The following CTIF variants were observed in gnomAD, a reference collection of about 807,000 sequenced individuals.
CTIF encodes the protein cap binding complex dependent translation initiation factor.
Under a neutral mutation model 66.0 loss-of-function variants are expected in CTIF, and 21 were observed. The observed-to-expected ratio is 0.32, with a 90% CI of 0.23 to 0.46. CTIF has a LOEUF of 0.46. Ranked by LOEUF, CTIF falls within the 20% of genes least tolerant of loss-of-function variation. CTIF has a pLI of 1.00. For synonymous variants in CTIF, 345 were observed against 326.4 expected, an observed-to-expected ratio of 1.06 and a Z score of -0.62; for missense variants, 739 against 812.7, an observed-to-expected ratio of 0.91 and a Z score of 1.10.
At chr18:48,723,641 G>A (rs1407996470) in intron 7 of CTIF, among the ~76,000 whole-genome samples, 1 of 152,142 alleles carries the variant, frequency 6.6e-6, no homozygotes, top group African/African-American at 2.4e-5. Context: ...CCAGCTGTTG[G>A]CTCCCCTGAC....
intron 1 of CTIF, among the ~76,000 whole-genome samples, chr18:48,594,640 G>A (rs1160008069): frequency 2.0e-5 from 3 of 152,164 alleles, no homozygotes; most frequent in Admixed American, 6.5e-5. Context: ...CCAGGTGCAC[G>A]TTGTGACCTT....
rs192468295 is a variant in CTIF at position 48,680,263 on chromosome 18, C to T, written c.507+9519C>T. 6.2e-4 allele frequency among the ~76,000 whole-genome samples: 94 copies of T among 152,368 alleles called. 1 individual carries two copies. In the East Asian group the frequency reaches 0.013, roughly 21 times the overall value. On this transcript the variant is annotated intron_variant, in intron 6 of 11. Transcript: ENST00000256413. ...CATCTGTCCATGCCCTACTTTGGGC[C>T]AGACCATATCCAGAATCCCTTGATG...
chr18:48,679,749 G>T (rs181293937), intron 6 of CTIF, among the ~76,000 whole-genome samples: 5 of 152,252 alleles, frequency 3.3e-5, no homozygotes. Flanking sequence ...AGGTTTCTTG[G>T]TTTTTTGGGG....
At chr18:48,559,765 T>C (rs1329715842) in intron 1 of CTIF, among the ~76,000 whole-genome samples, 1 of 152,034 alleles carries the variant, frequency 6.6e-6, no homozygotes, top group African/African-American at 2.4e-5. Flanking sequence ...TTAATCCCAA[T>C]GTAGAGTGGA....
At position 48,807,871 on chromosome 18, in the gene CTIF, T is replaced by C. The variant is rs374077676; in HGVS notation, c.1372-9350T>C. Among the ~76,000 whole-genome samples the C allele has an allele frequency of 8.5e-5, 13 of 152,348 alleles. No individual in the cohort carries two copies. In the East Asian group the frequency reaches 2.1e-3, roughly 25 times the overall value. On this transcript the variant is annotated intron_variant, in intron 9 of 11. Coordinates refer to ENST00000256413, the MANE Select transcript of CTIF (RefSeq NM_014772.3). ...TGATGGGATTACAGACGTGAGCTAC[T>C]GCACCTGGCCACATAAACATAATTT... is the stretch of plus-strand genomic sequence containing the variant.
chr18:48,592,032 G>C (rs2143984391), intron 1 of CTIF, among the ~76,000 whole-genome samples: 1 of 152,336 alleles, frequency 6.6e-6, no homozygotes, highest in African/African-American at 2.4e-5. Context: ...GATTACAGGT[G>C]TGAGCCACTA....
intron 1 of CTIF, among the ~76,000 whole-genome samples, chr18:48,547,131 C>T (rs891881571): frequency 1.3e-5 from 2 of 152,050 alleles, no homozygotes; most frequent in African/African-American, 4.8e-5. Flanking sequence ...GCAGAGGTGC[C>T]CCTCGGTAGG....
At chr18:48,835,834 C>T (rs1204154914) in intron 10 of CTIF, among the ~76,000 whole-genome samples, 2 of 151,886 alleles carry the variant, frequency 1.3e-5, no homozygotes, top group Admixed American at 6.6e-5. Context: ...AAGCCCCCCA[C>T]CTGCCCTCAC....
intron 10 of CTIF, among the ~76,000 whole-genome samples, chr18:48,821,705 TGAA>T (rs964320672): frequency 1.3e-5 from 2 of 152,274 alleles, no homozygotes; most frequent in Non-Finnish European, 2.9e-5. Flanking sequence ...TCAAAGTGAT[TGAA>T]GAAGATTATT....
At chr18:48,605,310 G>C (rs1327136202) in intron 1 of CTIF, among the ~76,000 whole-genome samples, 1 of 152,172 alleles carries the variant, frequency 6.6e-6, no homozygotes, top group Admixed American at 6.5e-5. Context: ...ACTTTGTAAG[G>C]TCTTTTTACT....
intron 6 of CTIF, among the ~76,000 whole-genome samples, chr18:48,708,240 T>TCA (rs2092183272): frequency 1.3e-4 from 20 of 152,246 alleles, no homozygotes; most frequent in Admixed American, 1.1e-3. Context: ...CTGCATGAGC[T>TCA]GCACATCTGG....
chr18:48,833,870 G>C (rs76012792), intron 10 of CTIF, among the ~76,000 whole-genome samples: 1,707 of 152,218 alleles, frequency 0.011, 33 homozygotes, highest in African/African-American at 0.039. Context: ...TTGGTCAGAG[G>C]GGCCTTCCAG....
In CTIF at chr18:48,860,159, TC is replaced by T; in HGVS notation, c.*602del. On this transcript the variant is annotated 3_prime_UTR_variant, in exon 12 of 12. Transcript: ENST00000256413. ...TGACGCTCCACCTCCCACCTCCAAGTCCTCCTCACTGCAGCCCCCACAGCCT... is the reference window on the plus strand; with the variant it reads ...TGACGCTCCACCTCCCACCTCCAAGTCTCCTCACTGCAGCCCCCACAGCCT... 1.4e-5 allele frequency: 5 copies of T among 359,828 alleles called. No individual in the cohort carries two copies. The highest frequency in any genetic ancestry group is 1.0e-4 in the South Asian group (5 of 49,484). 22.3% of individuals were successfully genotyped at this position (359,828 alleles called of 1,614,324 possible).
intron 9 of CTIF, among the ~76,000 whole-genome samples, chr18:48,794,000 G>A (rs1205631718): frequency 6.6e-6 from 1 of 151,800 alleles, no homozygotes; most frequent in African/African-American, 2.4e-5. Context: ...CTTCGCTTCT[G>A]CTCTACAGAT....
chr18:48,850,877 T>G (rs1443446199), intron 10 of CTIF, among the ~76,000 whole-genome samples: 1 of 152,152 alleles, frequency 6.6e-6, no homozygotes, highest in Non-Finnish European at 1.5e-5. Flanking sequence ...CAGGTGTGTG[T>G]GGGGAGGACA....
At chr18:48,652,252 A>T (rs570495231) in intron 3 of CTIF, among the ~76,000 whole-genome samples, 1 of 152,360 alleles carries the variant, frequency 6.6e-6, no homozygotes, top group Non-Finnish European at 1.5e-5. Flanking sequence ...CTAATAAAGA[A>T]GAAAAGAGAG....
chr18:48,798,327 T>C (rs2067974730), intron 9 of CTIF, among the ~76,000 whole-genome samples: 1 of 152,238 alleles, frequency 6.6e-6, no homozygotes, highest in Non-Finnish European at 1.5e-5. Flanking sequence ...CCATCACAAC[T>C]GAAGCCCAGA....
At chr18:48,562,649 T>C (rs1251953589) in intron 1 of CTIF, among the ~76,000 whole-genome samples, 2 of 152,234 alleles carry the variant, frequency 1.3e-5, no homozygotes, top group African/African-American at 4.8e-5. Flanking sequence ...GAATTGATCC[T>C]GGTTGTTGGG....
chr18:48,606,353 T>C (rs1206611738), intron 1 of CTIF, among the ~76,000 whole-genome samples: 2 of 152,232 alleles, frequency 1.3e-5, no homozygotes, highest in Non-Finnish European at 2.9e-5. Flanking sequence ...GCCTGGGTCA[T>C]CATCCTGCCC....
Sources: allele counts gnomAD v4.1 joint callset (sites outside exome capture counted in the v4.1 genomes callset), GRCh38; gene constraint gnomAD v4.1.1; transcripts MANE v1.5; gene names NCBI Gene and HGNC (gene_info 2026-07-23, HGNC 2026-07-21).